TPRG1: variants seen among roughly 807,000 people sequenced by gnomAD.
TPRG1 encodes the protein tumor protein p63-regulated gene 1 protein.
A neutral mutation model predicts 29.3 loss-of-function variants in TPRG1; 29 were observed. That is an observed-to-expected ratio of 0.99 (90% CI 0.74 to 1.35). TPRG1 has a LOEUF of 1.35. Among genes scored for constraint, TPRG1 ranks in the 40% most tolerant of loss-of-function variants. TPRG1 has a pLI of 0.00. For synonymous variants in TPRG1, 130 were observed against 116.8 expected (o/e 1.11, Z -0.73); for missense variants, 327 against 335.0 (o/e 0.98, Z 0.19).
chr3:189,068,550 G>T (rs1415059325), intron 4 of TPRG1, among the ~76,000 whole-genome samples: 3 of 152,238 alleles, frequency 2.0e-5, no homozygotes, highest in African/African-American at 4.8e-5. Flanking sequence ...GCCAAGGTGG[G>T]TGGATCACTA....
chr3:189,312,181 CTTTT>C (rs1560689655), intron 5 of TPRG1, among the ~76,000 whole-genome samples: 5,687 of 49,156 alleles, frequency 0.12, 592 homozygotes, highest in Middle Eastern at 0.19. Flanking sequence ...TTCTTTCTTT[CTTTT>C]TTTCTTTCTT....
chr3:189,316,013 A>C (rs1399334249), intron 5 of TPRG1, among the ~76,000 whole-genome samples: 2 of 152,246 alleles, frequency 1.3e-5, no homozygotes, highest in Non-Finnish European at 2.9e-5. Context: ...CATTTTAATT[A>C]GAGGAAACAT....
intron 1 of TPRG1, among the ~76,000 whole-genome samples, chr3:189,196,267 A>G (rs1386034511): frequency 1.3e-5 from 2 of 152,198 alleles, no homozygotes; most frequent in Non-Finnish European, 1.5e-5. Context: ...TTATCATGTG[A>G]AACTAACTGA....
At chr3:189,049,154 A>C (rs1453331556) in intron 4 of TPRG1, among the ~76,000 whole-genome samples, 2 of 152,180 alleles carry the variant, frequency 1.3e-5, no homozygotes, top group African/African-American at 4.8e-5. Context: ...AACTAGGGGA[A>C]GGGTGGGAAT....
At chr3:189,304,388 A>T (rs1253947299) in intron 4 of TPRG1, among the ~76,000 whole-genome samples, 1 of 152,094 alleles carries the variant, frequency 6.6e-6, no homozygotes, top group Non-Finnish European at 1.5e-5. Flanking sequence ...TTTGATGAAC[A>T]TTGCCGATCT....
At chr3:189,111,709 C>T (rs1386305095) in intron 1 of TPRG1, among the ~76,000 whole-genome samples, 1 of 152,104 alleles carries the variant, frequency 6.6e-6, no homozygotes, top group African/African-American at 2.4e-5. Context: ...GCCCGTGTAT[C>T]CTCTACCTTT....
At chr3:189,300,709 A>G (rs1162667891) in intron 4 of TPRG1, among the ~76,000 whole-genome samples, 3 of 152,218 alleles carry the variant, frequency 2.0e-5, no homozygotes, top group Non-Finnish European at 4.4e-5. Flanking sequence ...CACTGAAGAC[A>G]TATTCCTGGT....
At chr3:189,048,956 A>T (rs1715139971) in intron 4 of TPRG1, among the ~76,000 whole-genome samples, 1 of 152,150 alleles carries the variant, frequency 6.6e-6, no homozygotes, top group South Asian at 2.1e-4. Flanking sequence ...AGCGAAATAC[A>T]GGGGTAGAGG....
intron 4 of TPRG1, among the ~76,000 whole-genome samples, chr3:189,245,676 A>G (rs57096741): frequency 1.9e-4 from 29 of 152,054 alleles, no homozygotes; most frequent in African/African-American, 6.5e-4. Context: ...ACAAATATCA[A>G]TTGGGATATT....
intron 4 of TPRG1, among the ~76,000 whole-genome samples, chr3:189,257,637 T>G (rs1712144454): frequency 6.6e-6 from 1 of 152,244 alleles, no homozygotes; most frequent in Non-Finnish European, 1.5e-5. Flanking sequence ...CACTTTCATG[T>G]ATACCAATCA....
intron 4 of TPRG1, among the ~76,000 whole-genome samples, chr3:189,270,263 G>A (rs1219755483): frequency 5.9e-5 from 9 of 151,904 alleles, no homozygotes; most frequent in African/African-American, 1.5e-4. Flanking sequence ...CTGGATATCC[G>A]TGTCAGGAAT....
At chr3:189,194,049 A>G (rs1342293037) in intron 1 of TPRG1, among the ~76,000 whole-genome samples, 1 of 151,466 alleles carries the variant, frequency 6.6e-6, no homozygotes, top group Non-Finnish European at 1.5e-5. Context: ...ACTTTCTACA[A>G]TAGCTTTCAT....
rs1244781102 is a variant in TPRG1, at chr3:189,325,297, T to G, written c.*4477T>G. On this transcript the variant is annotated 3_prime_UTR_variant, in exon 6 of 6. Transcript: ENST00000345063. ...AGGAATAAAGTCATGAGACTGCTTCTCAACCTAGACCTTGTATCTCGTGTG... is the reference window on the plus strand; with the variant it reads ...AGGAATAAAGTCATGAGACTGCTTCGCAACCTAGACCTTGTATCTCGTGTG... 6.6e-6 allele frequency: 1 copy of G among 150,752 alleles called. No individual in the cohort carries two copies. Among genetic ancestry groups the G allele is most frequent in the African/African-American group, 2.4e-5 (1 of 40,900 alleles). 9.3% of individuals were successfully genotyped at this position (150,752 alleles called of 1,614,324 possible).
intron 2 of TPRG1, among the ~76,000 whole-genome samples, chr3:189,214,913 G>A (rs1239209183): frequency 6.7e-6 from 1 of 148,182 alleles, no homozygotes; most frequent in Non-Finnish European, 1.5e-5. Flanking sequence ...AGAAGGCTAT[G>A]TTGTTTTTTA....
At chr3:189,117,067 A>G (rs1007542155) in intron 1 of TPRG1, among the ~76,000 whole-genome samples, 1 of 152,226 alleles carries the variant, frequency 6.6e-6, no homozygotes, top group Non-Finnish European at 1.5e-5. Context: ...TCTTTACTTT[A>G]AGGATGTCTC....
At chr3:189,291,516 T>TATC (rs1453902157) in intron 4 of TPRG1, among the ~76,000 whole-genome samples, 1 of 152,224 alleles carries the variant, frequency 6.6e-6, no homozygotes, top group African/African-American at 2.4e-5. Flanking sequence ...CCATCATTAT[T>TATC]ATCATCACTG....
intron 3 of TPRG1, among the ~76,000 whole-genome samples, chr3:189,010,030 G>C (rs1712512229): frequency 6.6e-6 from 1 of 152,030 alleles, no homozygotes; most frequent in African/African-American, 2.4e-5. Flanking sequence ...CCACTTATAA[G>C]TGAGAACATA....
At chr3:189,262,322 G>C (rs1412499025) in intron 4 of TPRG1, among the ~76,000 whole-genome samples, 2 of 151,974 alleles carry the variant, frequency 1.3e-5, no homozygotes, top group Non-Finnish European at 2.9e-5. Flanking sequence ...TTCTGGTGTG[G>C]GAGAGGAAGA....
chr3:189,118,254 C>T (rs1472488935), intron 1 of TPRG1, among the ~76,000 whole-genome samples: 1 of 152,182 alleles, frequency 6.6e-6, no homozygotes, highest in African/African-American at 2.4e-5. Flanking sequence ...CATTCTACCC[C>T]TGCCCTAGAG....
Sources: allele counts gnomAD v4.1 joint callset (sites outside exome capture counted in the v4.1 genomes callset), GRCh38; gene constraint gnomAD v4.1.1; transcripts MANE v1.5; gene names NCBI Gene and HGNC (gene_info 2026-07-23, HGNC 2026-07-21).